Variants in NOX5 observed in about 807,000 individuals in gnomAD.
The protein encoded by NOX5 is NADPH oxidase, EF-hand calcium binding domain 5.
In NOX5, 76 loss-of-function variants were observed where a neutral mutation model predicts 85.7. The ratio of observed to expected loss-of-function variants is 0.89; its 90% confidence interval spans 0.74 to 1.07. The LOEUF (loss-of-function observed/expected upper bound fraction) is 1.07. NOX5 is among the 50% of genes least tolerant of loss of function. The pLI is 0.00. For synonymous variants in NOX5, 405 were observed against 401.4 expected, an observed-to-expected ratio of 1.01 and a Z score of -0.11; for missense variants, 973 against 999.5, an observed-to-expected ratio of 0.97 and a Z score of 0.36.
chr15:69,032,539 T>G (rs920375421), intron 4 of NOX5, among the ~76,000 whole-genome samples: 1 of 151,858 alleles, frequency 6.6e-6, no homozygotes, highest in African/African-American at 2.4e-5. Context: ...TCCTCCCGAG[T>G]AGCTGGTATT....
intron 4 of NOX5, 152 bp downstream of exon 4, chr15:69,031,964 C>A (rs1223752405): frequency 2.6e-6 from 2 of 761,630 alleles, no homozygotes; most frequent in Non-Finnish European, 4.1e-6. Flanking sequence ...TACTGCAGGG[C>A]AGCTGTCTTC....
At chr15:69,051,825 T>C (rs1349008317) in intron 14 of NOX5, among the ~76,000 whole-genome samples, 5 of 152,092 alleles carry the variant, frequency 3.3e-5, no homozygotes, top group African/African-American at 9.6e-5. Context: ...TTAGACACCC[T>C]TTTTCCTTCC....
At position 69,048,022 on chromosome 15, in the gene NOX5, G is replaced by A. The variant is rs878951870; in HGVS notation, c.1899+111G>A. On this transcript the variant is annotated intron_variant, in intron 13 of 15. Coordinates refer to ENST00000388866, the MANE Select transcript of NOX5 (RefSeq NM_024505.4). ...TGGGAGCGGATAGGTGATCCCTAAT[G>A]GGATCTTTCTTTCCCCACAATACCC... 4.8e-5 allele frequency: 42 copies of A among 882,002 alleles called. No homozygotes were observed. In the South Asian group the frequency reaches 5.2e-4, roughly 11 times the overall value. 54.6% of individuals were successfully genotyped at this position (882,002 alleles called of 1,614,324 possible).
Position 69,055,377 on chromosome 15 carries a change from C to G in NOX5, c.2043C>G (p.Gly681=). Residue 681 remains glycine, a synonymous_variant, in exon 15 of 16, where the codon GGC becomes GGG. Coordinates refer to ENST00000388866, the MANE Select transcript of NOX5 (RefSeq NM_024505.4). ...ELHMYMTSAL[G]KNDMKAIGLQ... is the part of the protein sequence containing the mutation. The stretch of plus-strand genomic sequence containing the variant: ...ATATGTACATGACATCTGCACTGGG[C>G]AAGAATGACATGAAGGCCATTGGCC... The G allele has an allele frequency of 6.2e-7, 1 of 1,614,182 alleles. No homozygotes were observed. The highest frequency in any genetic ancestry group is 8.5e-7 in the Non-Finnish European group (1 of 1,180,040).
chr15:69,043,008 TCC>T (rs1203312554), intron 10 of NOX5, among the ~76,000 whole-genome samples: 1 of 151,998 alleles, frequency 6.6e-6, no homozygotes, highest in African/African-American at 2.4e-5. Context: ...CAGTCTGATG[TCC>T]CCCATTAGAA....
chr15:69,051,420 T>A (rs311926), intron 14 of NOX5, among the ~76,000 whole-genome samples: 2 of 151,914 alleles, frequency 1.3e-5, no homozygotes, highest in Non-Finnish European at 2.9e-5. Context: ...ACAGAGTGTG[T>A]CTCCATCACC....
At position 69,047,869 on chromosome 15, in the gene NOX5, C is replaced by G. The variant is rs2050695336; in HGVS notation, c.1857C>G (p.His619Gln). Residue 619 changes from histidine (H) to glutamine (Q), a missense_variant, in exon 13 of 16, where the codon CAC becomes CAG. Coordinates refer to ENST00000388866, the MANE Select transcript of NOX5 (RefSeq NM_024505.4). ...AGCATACTTGCCCCAGCTGCCAGCA[C>G]TCCTGGATCGAAGGTGTCCAAGACA... is the stretch of plus-strand genomic sequence containing the variant. ...KRKHTCPSCQ[H>Q]SWIEGVQDNM... The G allele has an allele frequency of 6.2e-7, 1 of 1,614,194 alleles. No homozygotes were observed. Among genetic ancestry groups the G allele is most frequent in the Non-Finnish European group, 8.5e-7 (1 of 1,180,028 alleles).
intron 1 of NOX5, among the ~76,000 whole-genome samples, chr15:69,020,080 T>G (rs2140245548): frequency 6.6e-6 from 1 of 152,360 alleles, no homozygotes; most frequent in East Asian, 1.9e-4. Flanking sequence ...TGTTTGTTTT[T>G]GCTTCTGTCA....
chr15:69,038,717 GAAGCACAGAA>G, intron 8 of NOX5, 130 bp from the exon 9 acceptor site: 1 of 1,198,816 alleles, frequency 8.3e-7, no homozygotes, highest in Non-Finnish European at 1.2e-6. Flanking sequence ...CCACCACTCA[GAAGCACAGAA>G]GAGTGTCATG....
intron 15 of NOX5, among the ~76,000 whole-genome samples, chr15:69,055,937 A>C (rs1288296282): frequency 1.3e-5 from 2 of 152,092 alleles, no homozygotes; most frequent in Admixed American, 6.5e-5. Flanking sequence ...CTGAACACTT[A>C]CTTGTCAGGG....
At chr15:69,054,222 C>T (rs180720708) in intron 14 of NOX5, among the ~76,000 whole-genome samples, 21 of 152,250 alleles carry the variant, frequency 1.4e-4, no homozygotes, top group Admixed American at 5.9e-4. Flanking sequence ...AAAATGATAA[C>T]ATTCATATGT....
At chr15:69,039,031 A>C (rs1305588910) in intron 9 of NOX5, 42 bp downstream of exon 9, 1 of 1,608,612 alleles carries the variant, frequency 6.2e-7, no homozygotes, top group Non-Finnish European at 8.5e-7. Flanking sequence ...ATATTCACTG[A>C]GTTCCTACCG....
chr15:69,029,356 T>G (rs1465855351), intron 3 of NOX5: 3 of 152,236 alleles, frequency 2.0e-5, no homozygotes, highest in African/African-American at 7.2e-5. Context: ...TGAATAATAT[T>G]CCATTGTAGG....
At chr15:69,037,497 C>G in intron 8 of NOX5, 1 of 394,288 alleles carries the variant, frequency 2.5e-6, no homozygotes, top group Non-Finnish European at 4.6e-6. Flanking sequence ...CTACAGGGTG[C>G]CAGGCCCTGA....
chr15:69,034,131 G>A (rs2050481314), intron 5 of NOX5, among the ~76,000 whole-genome samples: 2 of 152,098 alleles, frequency 1.3e-5, no homozygotes, highest in Admixed American at 6.5e-5. Flanking sequence ...TGATGAGCAG[G>A]GATGCCCATC....
intron 5 of NOX5, among the ~76,000 whole-genome samples, chr15:69,034,290 G>C (rs1172267554): frequency 6.6e-6 from 1 of 152,148 alleles, no homozygotes; most frequent in African/African-American, 2.4e-5. Context: ...TACATGGGAT[G>C]TTTTGATACA....
chr15:69,037,284 A>G (rs2246273), intron 8 of NOX5, 74 bp downstream of exon 8: 1,427,137 of 1,435,018 alleles, frequency 0.99, 709,949 homozygotes, highest in East Asian at 1. Context: ...GAGCAGCTGG[A>G]TACCCTGTCA....
At position 69,056,890 on chromosome 15, in the gene NOX5, G is replaced by A. The variant is rs1039449470; in HGVS notation, c.*194G>A. ...GAACTTCCTCTAGAACCCAGGGGAAGGGACAGTGCCTTGTTCAGTCTGCTG... is the reference window on the plus strand; with the variant it reads ...GAACTTCCTCTAGAACCCAGGGGAAAGGACAGTGCCTTGTTCAGTCTGCTG... On this transcript the variant is annotated 3_prime_UTR_variant, in exon 16 of 16. Coordinates refer to ENST00000388866, the MANE Select transcript of NOX5 (RefSeq NM_024505.4). 16 of 579,220 alleles carry A rather than the reference G, an allele frequency of 2.8e-5. No individual in the cohort carries two copies. The highest frequency in any genetic ancestry group is 2.6e-4 in the African/African-American group (14 of 53,482). The allele number at this position is 579,220 out of a possible 1,614,324, so 35.9% of individuals were successfully genotyped here. A position where few individuals can be genotyped will look rare whatever the true frequency, so the allele number is the denominator to read the frequency against.
At chr15:69,024,155 G>GTTA (rs1448519412) in intron 1 of NOX5, 3 of 152,918 alleles carry the variant, frequency 2.0e-5, no homozygotes, top group African/African-American at 7.2e-5. Context: ...ACCTAAAATT[G>GTTA]TTATTTCTTT....
Sources: gnomAD v4.1 joint callset for allele counts (sites outside exome capture counted in the v4.1 genomes callset) on GRCh38, gnomAD v4.1.1 for gene constraint, MANE v1.5 for transcripts, NCBI Gene and HGNC (gene_info 2026-07-23, HGNC 2026-07-21) for gene names.